HYAL4: variants seen among roughly 807,000 people sequenced by gnomAD.
HYAL4 encodes the protein hyaluronidase 4, also known as hyaluronidase-4.
Under a neutral mutation model 35.2 loss-of-function variants are expected in HYAL4, and 37 were observed. The observed-to-expected ratio is 1.05, with a 90% CI of 0.81 to 1.38. The LOEUF is 1.38. Among genes scored for constraint, HYAL4 ranks in the 40% most tolerant of loss-of-function variants. The pLI is 0.00. For missense variants in HYAL4, 572 were observed against 572.4 expected (o/e 1.00, Z 0.01); for synonymous variants, 198 against 203.2 (o/e 0.97, Z 0.22).
intron 2 of HYAL4, among the ~76,000 whole-genome samples, chr7:123,865,430 T>A (rs530958182): frequency 1.4e-4 from 21 of 152,322 alleles, no homozygotes; most frequent in African/African-American, 4.3e-4. Flanking sequence ...TAAAATTAGA[T>A]TCCCTTGAAA....
chr7:123,815,098 C>T, the HYAL4 span: 711 of 152,624 alleles, frequency 4.7e-3, 17 homozygotes, highest in Middle Eastern at 3.4e-3. Flanking sequence ...TATATAAAGC[C>T]TATACATAAA....
At chr7:123,876,634 C>A in intron 4 of HYAL4, 120 bp from the exon 5 acceptor site, 1 of 1,076,888 alleles carries the variant, frequency 9.3e-7, no homozygotes, top group Non-Finnish European at 1.3e-6. Flanking sequence ...TAATCAAGAC[C>A]AAAGAACTGT....
the HYAL4 span, among the ~76,000 whole-genome samples, chr7:123,787,122 A>AAAAAAG: frequency 2.7e-5 from 4 of 149,392 alleles, no homozygotes; most frequent in East Asian, 2.0e-4. Context: ...AAAAAAAAAA[A>AAAAAAG]AAAAAGAAAA....
chr7:123,782,959 T>C, the HYAL4 span, among the ~76,000 whole-genome samples: 1 of 151,974 alleles, frequency 6.6e-6, no homozygotes, highest in Admixed American at 6.6e-5. Context: ...GTTTCTACCA[T>C]AGGAGGAATA....
At chr7:123,825,107 T>C (rs1454905153), upstream of HYAL4, among the ~76,000 whole-genome samples, 1 of 151,930 alleles carries the variant, frequency 6.6e-6, no homozygotes, top group African/African-American at 2.4e-5. Flanking sequence ...AGGTGAAATC[T>C]CTCTTTCTCT....
the HYAL4 span, among the ~76,000 whole-genome samples, chr7:123,811,843 T>A: frequency 6.6e-6 from 1 of 152,116 alleles, no homozygotes; most frequent in Non-Finnish European, 1.5e-5. Flanking sequence ...TTTTTGTTGT[T>A]GTTGTTGTTG....
the HYAL4 span, among the ~76,000 whole-genome samples, chr7:123,766,035 G>C: frequency 6.6e-6 from 1 of 152,046 alleles, no homozygotes; most frequent in Non-Finnish European, 1.5e-5. Context: ...ATCTCTTGCT[G>C]TCGTTCCATT....
At chr7:123,831,190 A>C (rs1255639387) in intron 1 of HYAL4, among the ~76,000 whole-genome samples, 1 of 152,098 alleles carries the variant, frequency 6.6e-6, no homozygotes, top group African/African-American at 2.4e-5. Context: ...TTCTCATGGG[A>C]ATGAGTGAGT....
At chr7:123,774,229 G>A in the HYAL4 span, among the ~76,000 whole-genome samples, 1 of 152,010 alleles carries the variant, frequency 6.6e-6, no homozygotes, top group South Asian at 2.1e-4. Context: ...TAGAGACATG[G>A]GGTTTTGCTA....
intron 3 of HYAL4, among the ~76,000 whole-genome samples, chr7:123,870,804 T>TAATC (rs1409141950): frequency 6.6e-6 from 1 of 151,614 alleles, no homozygotes; most frequent in African/African-American, 2.4e-5. Flanking sequence ...CTTTATAAAA[T>TAATC]AATCTTGACT....
chr7:123,864,491 C>T (rs951073769), intron 2 of HYAL4, among the ~76,000 whole-genome samples: 7 of 151,898 alleles, frequency 4.6e-5, no homozygotes, highest in African/African-American at 9.7e-5. Context: ...TTTGCCTAGG[C>T]GGATTATGGA....
At chr7:123,804,610 C>A in the HYAL4 span, among the ~76,000 whole-genome samples, 1 of 151,576 alleles carries the variant, frequency 6.6e-6, no homozygotes, top group African/African-American at 2.4e-5. Flanking sequence ...TTCCTTCCTT[C>A]CAGTTCCCAT....
the HYAL4 span, among the ~76,000 whole-genome samples, chr7:123,772,128 C>G: frequency 6.6e-6 from 1 of 152,116 alleles, no homozygotes; most frequent in Non-Finnish European, 1.5e-5. Context: ...TGGGACTTCT[C>G]AGCCTCCATA....
chr7:123,791,983 C>T, the HYAL4 span, among the ~76,000 whole-genome samples: 71 of 152,306 alleles, frequency 4.7e-4, no homozygotes, highest in South Asian at 0.014. Context: ...GGGCCAATCT[C>T]CCAAAGCCTC....
At chr7:123,798,242 A>C in the HYAL4 span, among the ~76,000 whole-genome samples, 1 of 152,216 alleles carries the variant, frequency 6.6e-6, no homozygotes, top group East Asian at 1.9e-4. Flanking sequence ...TTTAAGCCAG[A>C]AGTAAGGTCA....
chr7:123,773,431 T>A, the HYAL4 span, among the ~76,000 whole-genome samples: 1 of 152,222 alleles, frequency 6.6e-6, no homozygotes, highest in African/African-American at 2.4e-5. Flanking sequence ...AAGAATAAAT[T>A]AATTGCTACC....
At chr7:123,841,905 A>G (rs1806076473), upstream of HYAL4, among the ~76,000 whole-genome samples, 2 of 151,904 alleles carry the variant, frequency 1.3e-5, no homozygotes, top group Non-Finnish European at 2.9e-5. Flanking sequence ...TAATCTTGCT[A>G]GCAGTCTATC....
In HYAL4 at chr7:123,869,241, T is replaced by G; in HGVS notation, c.954+14T>G. On this transcript the variant is annotated intron_variant, in intron 3 of 4. Transcript: ENST00000223026. ...TTCCTTTCTAAGGTAAGAAGCTTCTTGTCCAATGGTGGGGGATTTCCTCCT... is the reference window on the plus strand; with the variant it reads ...TTCCTTTCTAAGGTAAGAAGCTTCTGGTCCAATGGTGGGGGATTTCCTCCT... 3 of 1,491,984 alleles carry G rather than the reference T, an allele frequency of 2.0e-6. No homozygotes were observed. The highest frequency in any genetic ancestry group is 2.7e-6 in the Non-Finnish European group (3 of 1,095,640). 92.4% of individuals were successfully genotyped at this position (1,491,984 alleles called of 1,614,324 possible).
intron 2 of HYAL4, among the ~76,000 whole-genome samples, chr7:123,855,258 G>A (rs1296350437): frequency 2.0e-5 from 3 of 152,086 alleles, no homozygotes; most frequent in African/African-American, 7.2e-5. Flanking sequence ...ATGCTAGCTG[G>A]TTATTTTGCC....
Sources: allele counts gnomAD v4.1 joint callset (sites outside exome capture counted in the v4.1 genomes callset), GRCh38; gene constraint gnomAD v4.1.1; transcripts MANE v1.5; gene names NCBI Gene and HGNC (gene_info 2026-07-23, HGNC 2026-07-21).